The following PCDHGA6 variants were observed in gnomAD, a reference collection of about 807,000 sequenced individuals.
The protein encoded by PCDHGA6 is protocadherin gamma subfamily A, 6, also known as protocadherin gamma-A6.
In PCDHGA6, 41 loss-of-function variants were observed where a neutral mutation model predicts 60.6. The observed-to-expected ratio is 0.68, with a 90% CI of 0.53 to 0.88. PCDHGA6 has a LOEUF of 0.88. PCDHGA6 is among the 40% of genes least tolerant of loss of function. The probability of loss-of-function intolerance (pLI) is 0.00; values close to 1 mark genes in which losing one functional copy is unlikely to be tolerated. For synonymous variants in PCDHGA6, 594 were observed against 524.4 expected (o/e 1.13, Z -1.81); for missense variants, 1,312 against 1,203.0 (o/e 1.09, Z -1.34).
rs568927137 is a variant in PCDHGA6, at chr5:141,410,186, CT to C, written c.2424+33680del. On this transcript the variant is annotated intron_variant, in intron 1 of 3. Coordinates refer to ENST00000517434, the MANE Select transcript of PCDHGA6 (RefSeq NM_018919.3). ...ACTCTCTGCCACCGCCACGCTTCAT[CT>C]GGTCTTCGCAGACAACTTGCAAGAG... 1.6e-5 allele frequency: 26 copies of C among 1,613,940 alleles called. 1 individual carries two copies. In the South Asian group the frequency reaches 2.6e-4, roughly 16 times the overall value.
intron 2 of PCDHGA6, among the ~76,000 whole-genome samples, chr5:141,501,049 A>G (rs1458722311): frequency 1.3e-5 from 2 of 151,844 alleles, no homozygotes; most frequent in African/African-American, 2.4e-5. Flanking sequence ...TTGTATTTTT[A>G]GTAGAGACGG....
intron 1 of PCDHGA6, among the ~76,000 whole-genome samples, chr5:141,446,764 G>A (rs2098514605): frequency 6.6e-6 from 1 of 152,214 alleles, no homozygotes; most frequent in Non-Finnish European, 1.5e-5. Context: ...ACCGCGCCCA[G>A]CCGGTTACCA....
At chr5:141,498,520 A>T (rs1178141390) in intron 2 of PCDHGA6, among the ~76,000 whole-genome samples, 1 of 149,264 alleles carries the variant, frequency 6.7e-6, no homozygotes, top group Non-Finnish European at 1.5e-5. Flanking sequence ...CATCTTGCCC[A>T]CTGCCCTCCA....
At position 141,511,211 on chromosome 5, in the gene PCDHGA6, C is replaced by G; in HGVS notation, c.*38C>G. ...GCCAAGAGCCACAGGGCGGCCTCTC[C>G]CCAACCAGCCCAGCTTCTCCTTACC... On this transcript the variant is annotated 3_prime_UTR_variant, in exon 4 of 4. Transcript: ENST00000517434. The G allele has an allele frequency of 6.2e-7, 1 of 1,608,626 alleles. No individual in the cohort carries two copies. The highest frequency in any genetic ancestry group is 8.5e-7 in the Non-Finnish European group (1 of 1,177,476).
intron 1 of PCDHGA6, chr5:141,433,007 C>T (rs550227016): frequency 1.2e-6 from 2 of 1,614,198 alleles, no homozygotes; most frequent in Admixed American, 3.3e-5. Context: ...GCAGGCTTTC[C>T]TGCAGACCTA....
chr5:141,400,282 G>T (rs774476991), intron 1 of PCDHGA6: 2 of 1,613,974 alleles, frequency 1.2e-6, no homozygotes, highest in Non-Finnish European at 1.7e-6. Context: ...CAGCCCTGCC[G>T]CCTGGAGCTG....
At chr5:141,500,562 T>A (rs2099801387) in intron 2 of PCDHGA6, among the ~76,000 whole-genome samples, 1 of 152,202 alleles carries the variant, frequency 6.6e-6, no homozygotes, top group Admixed American at 6.5e-5. Flanking sequence ...CACAAACTTG[T>A]CACACTTTCA....
chr5:141,419,240 G>C (rs753956971), intron 1 of PCDHGA6: 1 of 1,613,980 alleles, frequency 6.2e-7, no homozygotes, highest in South Asian at 1.1e-5. Flanking sequence ...CCTGGTCCAC[G>C]TGCCAGAAAA....
rs2099698809 is a variant in PCDHGA6 at position 141,490,343 on chromosome 5, T to C, written c.2425-4464T>C. On this transcript the variant is annotated intron_variant, in intron 1 of 3. Transcript: ENST00000517434. This position sits in a 1 kb window ranked among gnomAD's most constrained non-coding sequence, Gnocchi z 5.4. ...CTAGAGAGCACACCAGTGGGCACAG[T>C]AGTGGGGTTGTTTAATGTGCGAGAC... The C allele has an allele frequency of 6.2e-7, 1 of 1,614,018 alleles. No individual in the cohort carries two copies. Among genetic ancestry groups the C allele is most frequent in the Admixed American group, 1.7e-5 (1 of 60,006 alleles).
intron 1 of PCDHGA6, chr5:141,383,303 C>A (rs1445366017): frequency 5.0e-6 from 8 of 1,613,892 alleles, no homozygotes; most frequent in Non-Finnish European, 6.8e-6. Flanking sequence ...AGATTCTTGA[C>A]GGAAGAAATA....
chr5:141,479,328 G>A (rs568506786), intron 1 of PCDHGA6: 1 of 152,654 alleles, frequency 6.6e-6, no homozygotes, highest in East Asian at 1.9e-4. Flanking sequence ...CAGACTCAGT[G>A]GTGTGCACCT....
intron 3 of PCDHGA6, 89 bp downstream of exon 3, chr5:141,505,570 C>G: frequency 6.3e-7 from 1 of 1,598,162 alleles, no homozygotes; most frequent in Admixed American, 1.7e-5. Context: ...GACTGGATGT[C>G]AAACCTGTGT....
chr5:141,482,995 G>A (rs1395482427), intron 1 of PCDHGA6, among the ~76,000 whole-genome samples: 1 of 152,048 alleles, frequency 6.6e-6, no homozygotes, highest in Non-Finnish European at 1.5e-5. Flanking sequence ...CGAGGCAGGA[G>A]AATTGCTTGA....
At chr5:141,495,286 A>T (rs1341490472) in intron 2 of PCDHGA6, among the ~76,000 whole-genome samples, 2 of 152,088 alleles carry the variant, frequency 1.3e-5, no homozygotes, top group Non-Finnish European at 2.9e-5. Context: ...GGCGGTCCGC[A>T]CTCAGCGCCT....
At chr5:141,478,478 A>T (rs764926007) in intron 1 of PCDHGA6, 2 of 1,613,740 alleles carry the variant, frequency 1.2e-6, no homozygotes, top group East Asian at 4.5e-5. Flanking sequence ...CCGCCAGAAC[A>T]CGCTGCGGAG....
rs1486545769 is a variant in PCDHGA6 at position 141,431,780 on chromosome 5, A to T, written c.2424+55273A>T. On this transcript the variant is annotated intron_variant, in intron 1 of 3. Coordinates refer to ENST00000517434, the MANE Select transcript of PCDHGA6 (RefSeq NM_018919.3). This position sits in a 1 kb window ranked among gnomAD's most constrained non-coding sequence, Gnocchi z 4.8. The stretch of plus-strand genomic sequence containing the variant: ...AGTCCTGATCACTGTTCTGGACGTG[A>T]ACGACAATGCCCCAGAAGTGGTCCT... 4 of 1,614,086 alleles carry T rather than the reference A, an allele frequency of 2.5e-6. No homozygotes were observed. The highest frequency in any genetic ancestry group is 3.4e-6 in the Non-Finnish European group (4 of 1,180,028).
chr5:141,403,262 G>C (rs1162911439), intron 1 of PCDHGA6: 1 of 1,613,868 alleles, frequency 6.2e-7, no homozygotes, highest in Middle Eastern at 1.6e-4. Context: ...GCGGTGTCTG[G>C]TGAACTTTAA....
At chr5:141,428,022 G>A (rs1439933482) in intron 1 of PCDHGA6, 11 of 1,605,558 alleles carry the variant, frequency 6.9e-6, no homozygotes, top group South Asian at 1.1e-5. Context: ...GCCACGCGCC[G>A]CAGAGTCCGG....
intron 1 of PCDHGA6, chr5:141,410,284 G>A (rs2095374455): frequency 1.2e-6 from 2 of 1,613,990 alleles, no homozygotes; most frequent in Non-Finnish European, 1.7e-6. Flanking sequence ...ACCTGGTGGT[G>A]GCCTTGGCCT....
Sources: gnomAD v4.1 joint callset for allele counts (sites outside exome capture counted in the v4.1 genomes callset) on GRCh38, gnomAD v4.1.1 for gene constraint, Gnocchi (gnomAD v3.1) non-coding constraint, MANE v1.5 for transcripts, NCBI Gene and HGNC (gene_info 2026-07-23, HGNC 2026-07-21) for gene names.